Variants in R3HDM1 observed in about 807,000 individuals in gnomAD.
The protein encoded by R3HDM1 is R3H domain containing 1.
In R3HDM1, 46 loss-of-function variants were observed where a neutral mutation model predicts 141.1. That is an observed-to-expected ratio of 0.33 (90% CI 0.26 to 0.42). The LOEUF is 0.42. R3HDM1 is among the 10% of genes least tolerant of loss of function. The pLI is 1.00. For missense variants in R3HDM1, 1,184 were observed against 1,368.3 expected, an observed-to-expected ratio of 0.87 and a Z score of 2.12; for synonymous variants, 435 against 472.9, an observed-to-expected ratio of 0.92 and a Z score of 1.04.
chr2:135,551,807 AT>A (rs1699899788), intron 1 of R3HDM1, among the ~76,000 whole-genome samples: 2 of 152,208 alleles, frequency 1.3e-5, no homozygotes, highest in South Asian at 4.1e-4. Flanking sequence ...AATGTCAAAA[AT>A]TATTGTAAAC....
At position 135,722,157 on chromosome 2, in the gene R3HDM1, A is replaced by G. The variant is rs187700107; in HGVS notation, c.2964+151A>G. 53 of 755,366 alleles carry G rather than the reference A, an allele frequency of 7.0e-5. No homozygotes were observed. In the Admixed American group the frequency reaches 1.1e-3, roughly 16 times the overall value. 46.8% of individuals were successfully genotyped at this position (755,366 alleles called of 1,614,324 possible). On this transcript the variant is annotated intron_variant, in intron 25 of 26. Transcript: ENST00000683871. Reference sequence around the variant, plus strand: ...GTTTACACAGATTATCACTGGCTCCATCAGGAGCAGAGCAAAGGAGAAGAT... The same window carrying G: ...GTTTACACAGATTATCACTGGCTCCGTCAGGAGCAGAGCAAAGGAGAAGAT...
At chr2:135,681,742 T>G (rs2070347914) in intron 21 of R3HDM1, among the ~76,000 whole-genome samples, 1 of 152,140 alleles carries the variant, frequency 6.6e-6, no homozygotes, top group Non-Finnish European at 1.5e-5. Flanking sequence ...GGGTTCATGA[T>G]CTCAACCAGC....
chr2:135,669,967 C>T (rs1231145278), intron 19 of R3HDM1, among the ~76,000 whole-genome samples: 1 of 151,778 alleles, frequency 6.6e-6, no homozygotes, highest in African/African-American at 2.4e-5. Context: ...GGTGAAACCC[C>T]ATCTCTATTA....
chr2:135,577,884 T>C (rs1039525107), intron 1 of R3HDM1, among the ~76,000 whole-genome samples: 2 of 151,442 alleles, frequency 1.3e-5, no homozygotes, highest in Admixed American at 1.3e-4. Flanking sequence ...AGACGCCATT[T>C]CTCATCTACC....
intron 19 of R3HDM1, chr2:135,669,667 C>A: frequency 1.3e-6 from 1 of 786,540 alleles, no homozygotes; most frequent in Non-Finnish European, 1.5e-6. Flanking sequence ...CATTTGATAG[C>A]TGTTGATCAT....
At chr2:135,664,019 GTGAGAC>G (rs2067126020) in intron 19 of R3HDM1, among the ~76,000 whole-genome samples, 1 of 138,674 alleles carries the variant, frequency 7.2e-6, no homozygotes, top group Admixed American at 7.5e-5. Flanking sequence ...GGGCAACAGA[GTGAGAC>G]TGTCTCAAAA....
intron 21 of R3HDM1, among the ~76,000 whole-genome samples, chr2:135,686,828 C>T (rs2071428107): frequency 6.6e-6 from 1 of 152,146 alleles, no homozygotes; most frequent in Admixed American, 6.5e-5. Context: ...TGTTGATGAA[C>T]CTTGAGGACA....
intron 15 of R3HDM1, among the ~76,000 whole-genome samples, chr2:135,643,673 A>T (rs183984560): frequency 6.6e-6 from 1 of 152,352 alleles, no homozygotes; most frequent in East Asian, 1.9e-4. Context: ...CGATATGATT[A>T]TGGGGAATTC....
In R3HDM1 at chr2:135,715,543, A is replaced by G. The variant is rs1211518590; in HGVS notation, c.2737-7A>G. The G allele has an allele frequency of 6.2e-7, 1 of 1,608,132 alleles. No individual in the cohort carries two copies. Among genetic ancestry groups the G allele is most frequent in the Non-Finnish European group, 8.5e-7 (1 of 1,177,978 alleles). On this transcript the variant is annotated splice_polypyrimidine_tract_variant and splice_region_variant and intron_variant, in intron 23 of 26. Coordinates refer to ENST00000683871, the MANE Select transcript of R3HDM1 (RefSeq NM_001378107.1). ...TGACCCATTTTCTTGACGTATTGTA[A>G]TTGCAGCACAGCCCTCAACTCAGTA...
intron 24 of R3HDM1, among the ~76,000 whole-genome samples, chr2:135,720,095 G>A (rs1351711912): frequency 2.0e-5 from 3 of 152,064 alleles, no homozygotes; most frequent in East Asian, 3.9e-4. Flanking sequence ...CGCCCGTCTC[G>A]GCCTCCCAAA....
intron 19 of R3HDM1, chr2:135,669,574 T>C (rs922165222): frequency 9.1e-6 from 9 of 985,298 alleles, no homozygotes; most frequent in Non-Finnish European, 1.1e-5. Context: ...ACAATATTAC[T>C]GTAATACTTT....
In R3HDM1 at chr2:135,710,067, C is replaced by A. The variant is rs139565775; in HGVS notation, c.2572C>A (p.Pro858Thr). Reference protein sequence around the residue: ...LQGHQCTAGPPPPPGGGMVMM... With the variant: ...LQGHQCTAGPTPPPGGGMVMM... ...TAAATTCTGATTTTCAGCTGGACCA[C>A]CACCGCCACCTGGTGGGGGGATGGT... The change falls in exon 23 of 27, where the codon CCA becomes ACA. Residue 858 changes from proline (P) to threonine (T), a missense_variant. Physicochemically the swap from Pro to Thr is conservative, Grantham distance 38 (BLOSUM62 -1). This residue lies in a region of R3HDM1 where 563 missense variants were observed against 562.0 expected (regional missense o/e 1.00). Transcript: ENST00000683871. 1.3e-4 allele frequency: 217 copies of A among 1,613,006 alleles called. No homozygotes were observed. Among genetic ancestry groups the A allele is most frequent in the Middle Eastern group, 4.9e-4 (3 of 6,076 alleles).
chr2:135,717,784 T>C (rs1367584221), intron 24 of R3HDM1, among the ~76,000 whole-genome samples: 1 of 152,218 alleles, frequency 6.6e-6, no homozygotes, highest in South Asian at 2.1e-4. Context: ...GGAAAAGGTA[T>C]GGCAGTTTCC....
chr2:135,683,912 G>A (rs1189344837), intron 21 of R3HDM1, among the ~76,000 whole-genome samples: 1 of 151,684 alleles, frequency 6.6e-6, no homozygotes, highest in African/African-American at 2.4e-5. Context: ...AGCACCAGCT[G>A]GGCATGGTGG....
chr2:135,607,397 T>A (rs2060170745), intron 3 of R3HDM1: 4 of 934,930 alleles, frequency 4.3e-6, no homozygotes, highest in Non-Finnish European at 5.1e-6. Flanking sequence ...TTCCTCCAGC[T>A]ATAAAAAAAG....
Position 135,638,890 on chromosome 2 carries a change from T to C in R3HDM1, c.993-6T>C. The C allele has an allele frequency of 6.2e-7, 1 of 1,613,312 alleles. No individual in the cohort carries two copies. Among genetic ancestry groups the C allele is most frequent in the Non-Finnish European group, 8.5e-7 (1 of 1,179,722 alleles). ...AGCTTTTCAAGGTTTTATTTCTAAA[T>C]TACAGAGTTAATAAAGATGCTTCAG... On this transcript the variant is annotated splice_region_variant and splice_polypyrimidine_tract_variant and intron_variant, in intron 13 of 26. Coordinates refer to ENST00000683871, the MANE Select transcript of R3HDM1 (RefSeq NM_001378107.1).
chr2:135,656,447 G>T (rs932303266), intron 18 of R3HDM1: 1 of 151,006 alleles, frequency 6.6e-6, no homozygotes, highest in African/African-American at 2.4e-5. Flanking sequence ...CTACTTTCCT[G>T]CATTTTATAT....
intron 1 of R3HDM1, among the ~76,000 whole-genome samples, chr2:135,575,204 G>A (rs553867851): frequency 2.0e-5 from 3 of 152,220 alleles, no homozygotes; most frequent in East Asian, 3.9e-4. Flanking sequence ...AAAATACCTC[G>A]ACCCAAACTG....
intron 1 of R3HDM1, among the ~76,000 whole-genome samples, chr2:135,537,504 T>C (rs1157563333): frequency 6.6e-6 from 1 of 151,630 alleles, no homozygotes; most frequent in Non-Finnish European, 1.5e-5. Flanking sequence ...CAGGGTGGTC[T>C]TGAACTCCCA....
Sources: gnomAD v4.1 joint callset for allele counts (sites outside exome capture counted in the v4.1 genomes callset) on GRCh38, gnomAD v4.1.1 for gene constraint, gnomAD v4.1.1 regional missense constraint, MANE v1.5 for transcripts, NCBI Gene and HGNC (gene_info 2026-07-23, HGNC 2026-07-21) for gene names.